CCSER1: variants seen among roughly 807,000 people sequenced by gnomAD.
The protein encoded by CCSER1 is coiled-coil serine rich protein 1.
CCSER1 carries 41 observed loss-of-function variants against 82.0 expected under a neutral mutation model. The observed-to-expected ratio is 0.50, with a 90% confidence interval of 0.39 to 0.65. The LOEUF (loss-of-function observed/expected upper bound fraction) is 0.65, where lower values mean the gene tolerates loss of function less well. Among genes scored for constraint, CCSER1 ranks in the 30% least tolerant of loss-of-function variants. CCSER1 has a pLI of 0.00. For synonymous variants in CCSER1, 414 were observed against 383.9 expected, an observed-to-expected ratio of 1.08 and a Z score of -0.92; for missense variants, 1,119 against 1,064.2, an observed-to-expected ratio of 1.05 and a Z score of -0.72.
At chr4:90,399,731 C>G (rs1752539995) in intron 3 of CCSER1, among the ~76,000 whole-genome samples, 1 of 151,824 alleles carries the variant, frequency 6.6e-6, no homozygotes, top group South Asian at 2.1e-4. Context: ...TTCCTGACTT[C>G]TAATATCTTT....
intron 5 of CCSER1, among the ~76,000 whole-genome samples, chr4:90,563,670 C>G (rs542263663): frequency 6.6e-6 from 1 of 152,150 alleles, no homozygotes; most frequent in African/African-American, 2.4e-5. Context: ...ATTACATTTT[C>G]TTTATTCATT....
chr4:91,583,414 T>A (rs76310960), intron 10 of CCSER1, among the ~76,000 whole-genome samples: 87 of 151,524 alleles, frequency 5.7e-4, no homozygotes, highest in African/African-American at 2.1e-3. Flanking sequence ...CTCCTTATGG[T>A]TCTGTGTGAA....
chr4:90,702,091 T>A (rs1020065875), intron 6 of CCSER1, among the ~76,000 whole-genome samples: 3 of 152,206 alleles, frequency 2.0e-5, no homozygotes, highest in African/African-American at 7.2e-5. Context: ...GCCCATTCAG[T>A]ATGATATTGG....
At chr4:90,615,073 C>T (rs1460507149) in intron 5 of CCSER1, among the ~76,000 whole-genome samples, 2 of 152,126 alleles carry the variant, frequency 1.3e-5, no homozygotes, top group African/African-American at 4.8e-5. Flanking sequence ...AGCAACGAAG[C>T]ATAGATGACA....
At chr4:90,572,496 T>C (rs1780225323) in intron 5 of CCSER1, among the ~76,000 whole-genome samples, 1 of 152,132 alleles carries the variant, frequency 6.6e-6, no homozygotes, top group South Asian at 2.1e-4. Context: ...TATTCTTCTT[T>C]AAATCTCATA....
At chr4:90,148,365 A>G (rs1206714550) in intron 1 of CCSER1, among the ~76,000 whole-genome samples, 1 of 152,170 alleles carries the variant, frequency 6.6e-6, no homozygotes, top group Non-Finnish European at 1.5e-5. Flanking sequence ...AAAGCCCAGT[A>G]TTAGTCTCTT....
intron 10 of CCSER1, among the ~76,000 whole-genome samples, chr4:91,484,240 T>A (rs1435678737): frequency 2.0e-5 from 3 of 152,190 alleles, no homozygotes; most frequent in African/African-American, 7.2e-5. Flanking sequence ...TTTGAGCTTT[T>A]TGTTACTCTA....
intron 9 of CCSER1, among the ~76,000 whole-genome samples, chr4:90,927,395 C>T (rs1490379243): frequency 6.6e-6 from 1 of 151,922 alleles, no homozygotes; most frequent in Non-Finnish European, 1.5e-5. Context: ...CTGATGTTAT[C>T]AGGTATTTCA....
intron 10 of CCSER1, among the ~76,000 whole-genome samples, chr4:91,554,503 A>G (rs1438318600): frequency 6.6e-6 from 1 of 151,298 alleles, no homozygotes; most frequent in Non-Finnish European, 1.5e-5. Flanking sequence ...GAAAGAGGAA[A>G]ATCTGTACAC....
At chr4:91,087,609 G>A (rs934030825) in intron 10 of CCSER1, among the ~76,000 whole-genome samples, 5 of 152,034 alleles carry the variant, frequency 3.3e-5, no homozygotes, top group Non-Finnish European at 7.4e-5. Flanking sequence ...ACAATTTAAT[G>A]TATACATCTC....
intron 5 of CCSER1, among the ~76,000 whole-genome samples, chr4:90,529,224 T>A (rs1774177993): frequency 6.6e-6 from 1 of 152,132 alleles, no homozygotes; most frequent in Admixed American, 6.6e-5. Flanking sequence ...TTTTATTTTT[T>A]ATTTTTTTGC....
At chr4:91,522,589 A>T (rs1408349566) in intron 10 of CCSER1, among the ~76,000 whole-genome samples, 1 of 152,142 alleles carries the variant, frequency 6.6e-6, no homozygotes, top group Non-Finnish European at 1.5e-5. Flanking sequence ...AGTCCTTCAC[A>T]TACCTTGTAA....
At chr4:90,907,675 C>A (rs1156699577) in intron 8 of CCSER1, among the ~76,000 whole-genome samples, 1 of 152,048 alleles carries the variant, frequency 6.6e-6, no homozygotes, top group Non-Finnish European at 1.5e-5. Context: ...ATCAATTTCT[C>A]AGACGTATAT....
intron 6 of CCSER1, among the ~76,000 whole-genome samples, chr4:90,697,334 G>A (rs998703473): frequency 6.6e-6 from 1 of 152,096 alleles, no homozygotes; most frequent in Non-Finnish European, 1.5e-5. Flanking sequence ...GATGAGAAGT[G>A]TCAGAAGATG....
intron 5 of CCSER1, among the ~76,000 whole-genome samples, chr4:90,616,716 C>A (rs1023206380): frequency 4.0e-5 from 5 of 125,796 alleles, no homozygotes; most frequent in African/African-American, 1.8e-4. Context: ...CACACACACA[C>A]ACACACACAC....
chr4:91,155,529 G>A (rs1408926675), intron 10 of CCSER1, among the ~76,000 whole-genome samples: 1 of 151,944 alleles, frequency 6.6e-6, no homozygotes, highest in Non-Finnish European at 1.5e-5. Context: ...CTATTGAGAT[G>A]TCAGAAATAA....
At chr4:90,505,983 T>G (rs1013511308) in intron 5 of CCSER1, among the ~76,000 whole-genome samples, 4 of 152,166 alleles carry the variant, frequency 2.6e-5, no homozygotes, top group African/African-American at 9.7e-5. Context: ...TGATCTTATC[T>G]CTGTAATACA....
chr4:90,325,228 A>T (rs1561031137), intron 3 of CCSER1, among the ~76,000 whole-genome samples: 2 of 152,180 alleles, frequency 1.3e-5, no homozygotes, highest in Non-Finnish European at 2.9e-5. Flanking sequence ...TACATTATTA[A>T]ACTTACTATA....
At chr4:90,261,554 G>GAC (rs1453226286) in intron 1 of CCSER1, among the ~76,000 whole-genome samples, 19 of 152,116 alleles carry the variant, frequency 1.2e-4, no homozygotes. Flanking sequence ...GTTGACTTTA[G>GAC]ATAGCCTGAT....
Sources: allele counts gnomAD v4.1 joint callset (sites outside exome capture counted in the v4.1 genomes callset), GRCh38; gene constraint gnomAD v4.1.1; transcripts MANE v1.5; gene names NCBI Gene and HGNC (gene_info 2026-07-23, HGNC 2026-07-21).